Variants in PAX2 observed in about 807,000 individuals in gnomAD.
The protein encoded by PAX2 is paired box 2, also known as paired box protein Pax-2.
In PAX2, 9 loss-of-function variants were observed where a neutral mutation model predicts 41.7. That is an observed-to-expected ratio of 0.22 (90% CI 0.13 to 0.38). PAX2 has a LOEUF of 0.38. Among genes scored for constraint, PAX2 ranks in the 10% least tolerant of loss-of-function variants. PAX2 has a pLI of 1.00. For missense variants in PAX2, 418 were observed against 531.6 expected (o/e 0.79, Z 2.10); for synonymous variants, 221 against 212.7 (o/e 1.04, Z -0.34).
chr10:100,810,020 A>G (rs556013493), intron 7 of PAX2, among the ~76,000 whole-genome samples: 39 of 152,158 alleles, frequency 2.6e-4, no homozygotes, highest in Non-Finnish European at 4.9e-4. Context: ...AGAGACACGC[A>G]TTGAGGTGTT....
chr10:100,768,237 T>C (rs1280459772), intron 3 of PAX2, among the ~76,000 whole-genome samples: 1 of 152,192 alleles, frequency 6.6e-6, no homozygotes, highest in African/African-American at 2.4e-5. Flanking sequence ...TCCACTATTA[T>C]AAATCTTAGA....
chr10:100,816,855 AGGGCTC>A (rs1418000034), intron 7 of PAX2, among the ~76,000 whole-genome samples: 1 of 152,188 alleles, frequency 6.6e-6, no homozygotes, highest in Non-Finnish European at 1.5e-5. Flanking sequence ...GAAATCCTGC[AGGGCTC>A]GGAGAACAGC....
chr10:100,742,467 C>T (rs2133816149), upstream of PAX2, among the ~76,000 whole-genome samples: 1 of 150,818 alleles, frequency 6.6e-6, no homozygotes, highest in East Asian at 2.0e-4. Flanking sequence ...GGTTGGGGGC[C>T]GCCAGGCGCC....
chr10:100,770,541 C>T (rs1052809094), intron 3 of PAX2, among the ~76,000 whole-genome samples: 2 of 152,250 alleles, frequency 1.3e-5, no homozygotes, highest in African/African-American at 2.4e-5. Flanking sequence ...ATATGCTTAG[C>T]ATTCATCATA....
At position 100,809,122 on chromosome 10, in the gene PAX2, T is replaced by G. The variant is rs768654284; in HGVS notation, c.805T>G (p.Ser269Ala). 3.1e-6 allele frequency: 5 copies of G among 1,613,360 alleles called. No homozygotes were observed. In the East Asian group the frequency reaches 1.1e-4, roughly 36 times the overall value. The change falls in exon 7 of 10, where the codon TCC (serine) becomes GCC (alanine). Residue 269 changes from serine (S) to alanine (A), a missense_variant. Physicochemically the swap from Ser to Ala is moderately conservative, Grantham distance 99. Around this residue, in one of 2 missense-constraint regions of PAX2, gnomAD observed 310 missense variants for 325.2 expected, o/e 0.95. Transcript: ENST00000355243. ...HIKSEQGNEY[S>A]LPALTPGLDE... ...TCTCTCCTCCCAGGGGAACGAGTAC[T>G]CCCTCCCAGCCCTGACCCCTGGGCT...
upstream of PAX2, among the ~76,000 whole-genome samples, chr10:100,743,314 A>C (rs114911269): frequency 6.6e-6 from 1 of 152,046 alleles, no homozygotes; most frequent in Non-Finnish European, 1.5e-5. Flanking sequence ...AAAATGGAAA[A>C]TCCTTCTCGC....
intron 1 of PAX2, among the ~76,000 whole-genome samples, chr10:100,736,332 G>A (rs1456802303): frequency 1.3e-5 from 2 of 152,210 alleles, no homozygotes; most frequent in Non-Finnish European, 2.9e-5. Flanking sequence ...AAAGGGCTAA[G>A]GGAGTAGAGT....
At chr10:100,787,237 AG>A (rs755340187) in intron 5 of PAX2, among the ~76,000 whole-genome samples, 42 of 152,006 alleles carry the variant, frequency 2.8e-4, no homozygotes, top group Non-Finnish European at 5.0e-4. Flanking sequence ...GGTGGCCTGG[AG>A]GGTCAGGCAC....
rs1480903218 is a variant in PAX2, at chr10:100,824,378, A to ACACG, written c.920-267_920-266insGCAC. On this transcript the variant is annotated intron_variant, in intron 7 of 9. Transcript: ENST00000355243. This position sits in a 1 kb window ranked among gnomAD's most constrained non-coding sequence, Gnocchi z 6.6. ...TACACACACACACACACACACACACACACACACACACACACACAAATACAC... is the reference window on the plus strand; with the variant it reads ...TACACACACACACACACACACACACACACGCACACACACACACACACAAATACAC... Among the ~76,000 whole-genome samples the ACACG allele has an allele frequency of 2.6e-5, 4 of 151,920 alleles. No individual in the cohort carries two copies. The highest frequency in any genetic ancestry group is 7.2e-5 in the African/African-American group (3 of 41,410).
chr10:100,769,629 T>A (rs1200669902), intron 3 of PAX2, among the ~76,000 whole-genome samples: 3 of 93,706 alleles, frequency 3.2e-5, no homozygotes, highest in African/African-American at 1.1e-4. Flanking sequence ...TCAAAAAGAA[T>A]AAAATAAAAT....
Position 100,772,468 on chromosome 10 carries a change from G to T in PAX2, c.411-7030G>T, listed in dbSNP as rs148247331. On this transcript the variant is annotated intron_variant, in intron 3 of 9. Coordinates refer to ENST00000355243, the MANE Select transcript of PAX2 (RefSeq NM_000278.5). Reference sequence around the variant, plus strand: ...CATGCCTGGCTGCAAATATCATTTTGTTCTCTAGGATGATTGAGTTTATAA... The same window carrying T: ...CATGCCTGGCTGCAAATATCATTTTTTTCTCTAGGATGATTGAGTTTATAA... 2.0e-5 allele frequency among the ~76,000 whole-genome samples: 3 copies of T among 152,322 alleles called. No homozygotes were observed. The East Asian group carries it at 5.8e-4, about 29-fold the overall frequency.
In PAX2 at chr10:100,829,094, C is replaced by CA. The variant is rs1278740515; in HGVS notation, c.*1484dup. On this transcript the variant is annotated 3_prime_UTR_variant, in exon 10 of 10. Transcript: ENST00000355243. ...GGGGAGGGGGGCATTTTTTATGTTA[C>CA]AAAAAAAAATTACGAAAGAAAAGAA... 55 of 227,494 alleles carry CA rather than the reference C, an allele frequency of 2.4e-4. No individual in the cohort carries two copies. The highest frequency in any genetic ancestry group is 1.3e-3 in the Middle Eastern group (1 of 780). 14.1% of individuals were successfully genotyped at this position (227,494 alleles called of 1,614,324 possible). A position where few individuals can be genotyped will look rare whatever the true frequency, so the allele number is the denominator to read the frequency against.
rs145911423 is a variant in PAX2, at chr10:100,824,942, G to A, written c.1021+193G>A. ...CCTCATCCTCCCTCATGAGCAAGCC[G>A]GGGAGGAAGCTTGCAGAAGTGCCCC... is the stretch of plus-strand genomic sequence containing the variant. On this transcript the variant is annotated intron_variant, in intron 8 of 9. Transcript: ENST00000355243. The surrounding 1 kb of genome is among the most constrained non-coding windows in gnomAD (Gnocchi z 6.6). 1.1e-4 allele frequency: 174 copies of A among 1,613,844 alleles called. No individual in the cohort carries two copies. Among genetic ancestry groups the A allele is most frequent in the Middle Eastern group, 3.3e-4 (2 of 6,084 alleles).
intron 1 of PAX2, chr10:100,747,913 G>A (rs1229932938): frequency 3.0e-6 from 3 of 983,860 alleles, no homozygotes; most frequent in Non-Finnish European, 3.6e-6. Flanking sequence ...GGTCCGCCGA[G>A]TCCTGGCTGC....
chr10:100,788,614 C>A (rs115295511), intron 5 of PAX2, among the ~76,000 whole-genome samples: 1 of 152,130 alleles, frequency 6.6e-6, no homozygotes, highest in Non-Finnish European at 1.5e-5. Flanking sequence ...AGTCTCTCAG[C>A]GGCATTTTGG....
intron 7 of PAX2, among the ~76,000 whole-genome samples, chr10:100,813,976 C>G (rs1189776175): frequency 1.3e-5 from 2 of 152,138 alleles, no homozygotes; most frequent in East Asian, 1.9e-4. Context: ...ATAAACAGAA[C>G]AGTTAACATC....
At position 100,781,256 on chromosome 10, in the gene PAX2, G is replaced by T. The variant is rs149682559; in HGVS notation, c.507G>T (p.Thr169=). 31 of 1,613,894 alleles carry T rather than the reference G, an allele frequency of 1.9e-5. No individual in the cohort carries two copies. The highest frequency in any genetic ancestry group is 1.9e-4 in the African/African-American group (14 of 74,966). Residue 169 remains threonine (T), a synonymous_variant, in exon 5 of 10, where the codon ACG becomes ACT. Coordinates refer to ENST00000355243, the MANE Select transcript of PAX2 (RefSeq NM_000278.5). ...TAPGHTIVPS[T]ASPPVSSASN... ...CTTCCTCTCATCCAGTTCCCAGCAC[G>T]GCCTCCCCTCCTGTTTCCAGCGCCT... is the stretch of plus-strand genomic sequence containing the variant.
intron 3 of PAX2, among the ~76,000 whole-genome samples, chr10:100,768,754 G>A (rs977615344): frequency 1.3e-5 from 2 of 152,042 alleles, no homozygotes; most frequent in African/African-American, 4.8e-5. Flanking sequence ...GCTCTTACCC[G>A]ATGCATATGT....
intron 8 of PAX2, chr10:100,825,040 C>A: frequency 7.4e-7 from 1 of 1,357,884 alleles, no homozygotes; most frequent in Non-Finnish European, 1.1e-6. Flanking sequence ...CCGAGGAGCA[C>A]TCAGCCTCAG....
Sources: gnomAD v4.1 joint callset for allele counts (sites outside exome capture counted in the v4.1 genomes callset) on GRCh38, gnomAD v4.1.1 for gene constraint, gnomAD v4.1.1 regional missense constraint, Gnocchi (gnomAD v3.1) non-coding constraint, MANE v1.5 for transcripts, NCBI Gene and HGNC (gene_info 2026-07-23, HGNC 2026-07-21) for gene names.